ATP2C1: variants seen among roughly 807,000 people sequenced by gnomAD.
The protein encoded by ATP2C1 is ATPase secretory pathway Ca2+ transporting 1.
A neutral mutation model predicts 120.5 loss-of-function variants in ATP2C1; 31 were observed. The ratio of observed to expected loss-of-function variants is 0.26; its 90% confidence interval spans 0.19 to 0.35. The LOEUF is 0.35. Among genes scored for constraint, ATP2C1 ranks in the 10% least tolerant of loss-of-function variants. The pLI, the probability that ATP2C1 is intolerant of heterozygous loss-of-function variation, is 1.00. For missense variants in ATP2C1, 731 were observed against 1,107.5 expected, an observed-to-expected ratio of 0.66 and a Z score of 4.83; for synonymous variants, 351 against 358.7, an observed-to-expected ratio of 0.98 and a Z score of 0.24.
intron 2 of ATP2C1, among the ~76,000 whole-genome samples, chr3:130,921,052 A>T (rs1185175671): frequency 6.6e-6 from 1 of 151,218 alleles, no homozygotes; most frequent in African/African-American, 2.4e-5. Context: ...ACAGTTTTTT[A>T]AAAATGGAAT....
rs143002919 is a variant in ATP2C1, at chr3:130,975,259, C to T, written c.1414-73C>T. The T allele has an allele frequency of 7.5e-6, 11 of 1,458,962 alleles. No individual in the cohort carries two copies. In the East Asian group the frequency reaches 2.5e-4, roughly 33 times the overall value. The allele number at this position is 1,458,962 out of a possible 1,614,324, so 90.4% of individuals were successfully genotyped here. A position where few individuals can be genotyped will look rare whatever the true frequency, so the allele number is the denominator to read the frequency against. On this transcript the variant is annotated intron_variant, in intron 17 of 27. Transcript: ENST00000510168. Reference sequence around the variant, plus strand: ...TGGGAATTATGAGAAATGAATGCCACTTAATTTTGGACTCCAATGGCAGGT... The same window carrying T: ...TGGGAATTATGAGAAATGAATGCCATTTAATTTTGGACTCCAATGGCAGGT...
intron 2 of ATP2C1, among the ~76,000 whole-genome samples, chr3:130,927,294 G>T (rs929887368): frequency 6.7e-6 from 1 of 149,568 alleles, no homozygotes; most frequent in East Asian, 2.0e-4. Context: ...AGGCTGGAGT[G>T]CAGTGGCGTG....
intron 8 of ATP2C1, among the ~76,000 whole-genome samples, chr3:130,944,828 CAG>C (rs2060072658): frequency 6.6e-6 from 1 of 152,122 alleles, no homozygotes; most frequent in Admixed American, 6.6e-5. Flanking sequence ...AGTAGATCCA[CAG>C]AGAGCAAAAT....
In ATP2C1 at chr3:130,945,475, A is replaced by G. The variant is rs575397524; in HGVS notation, c.531+3776A>G. ...GGTGTGCAGCACCCATTAACTTGTC[A>G]TTTACATTAGATAATATCTCCTAAT... On this transcript the variant is annotated intron_variant, in intron 8 of 27. Coordinates refer to ENST00000510168, the MANE Select transcript of ATP2C1 (RefSeq NM_001378687.1). Among the ~76,000 whole-genome samples the G allele has an allele frequency of 7.9e-3, 247 of 31,450 alleles. 2 individuals are homozygous for G. Among genetic ancestry groups the G allele is most frequent in the Non-Finnish European group, 0.019 (190 of 10,238 alleles). The allele number at this position is 31,450 out of a possible 152,430, so 20.6% of individuals were successfully genotyped here.
In ATP2C1 at chr3:130,998,379, C is replaced by G. The variant is rs1404284597; in HGVS notation, c.2477C>G (p.Ser826Cys). Reference sequence around the variant, plus strand: ...TTTGACATGTTCAATGCACTAAGTTCCAGATCCCAGGTATGTTTAGGTGAA... The same window carrying G: ...TTTGACATGTTCAATGCACTAAGTTGCAGATCCCAGGTATGTTTAGGTGAA... ...VFFDMFNALS[S>C]RSQTKSVFEI... The change falls in exon 26 of 28, where the codon TCC becomes TGC. Residue 826 changes from serine (S) to cysteine (C), a missense_variant. Physicochemically the swap from Ser to Cys is moderately radical, Grantham distance 112. This residue lies in a region of ATP2C1 where 141 missense variants were observed against 201.6 expected (regional missense o/e 0.70). Coordinates refer to ENST00000510168, the MANE Select transcript of ATP2C1 (RefSeq NM_001378687.1). 6.2e-7 allele frequency: 1 copy of G among 1,601,556 alleles called. No homozygotes were observed. Among genetic ancestry groups the G allele is most frequent in the African/African-American group, 1.3e-5 (1 of 74,756 alleles).
chr3:130,956,893 G>A (rs970086825), intron 11 of ATP2C1, among the ~76,000 whole-genome samples: 1 of 151,898 alleles, frequency 6.6e-6, no homozygotes. Context: ...CCCTTTTCTT[G>A]TGTCTTGAGT....
rs2067772444 is a variant in ATP2C1 at position 130,854,458 on chromosome 3, A to T, written c.108+3530A>T. On this transcript the variant is annotated intron_variant, in intron 1 of 26. Transcript: ENST00000504381. Reference sequence around the variant, plus strand: ...TTTTGGTCTGAGGGCAACATCCAGCACCTGGCTCAGATGTTGGTGTCTAGT... The same window carrying T: ...TTTTGGTCTGAGGGCAACATCCAGCTCCTGGCTCAGATGTTGGTGTCTAGT... 2.0e-5 allele frequency among the ~76,000 whole-genome samples: 3 copies of T among 152,312 alleles called. No individual in the cohort carries two copies. In the South Asian group the frequency reaches 6.2e-4, roughly 32 times the overall value.
chr3:130,927,055 A>T (rs548900733), intron 2 of ATP2C1, among the ~76,000 whole-genome samples: 4 of 152,188 alleles, frequency 2.6e-5, no homozygotes, highest in Admixed American at 2.6e-4. Flanking sequence ...CTATTCTTGG[A>T]CCCCAAAGCA....
chr3:130,983,190 T>A (rs1463524426), intron 20 of ATP2C1, among the ~76,000 whole-genome samples: 2 of 152,180 alleles, frequency 1.3e-5, no homozygotes, highest in South Asian at 2.1e-4. Flanking sequence ...CCTTTAAGGA[T>A]AATGACAATA....
intron 26 of ATP2C1, among the ~76,000 whole-genome samples, chr3:131,014,750 AT>A (rs1299038312): frequency 1.3e-5 from 2 of 152,230 alleles, no homozygotes; most frequent in Non-Finnish European, 2.9e-5. Context: ...ATATGAGAAA[AT>A]TTATTGGCAT....
chr3:130,937,431 A>G lies in ATP2C1; in HGVS notation c.328A>G (p.Ile110Val), dbSNP rs1056905575. ...FDDAVSITVAILIVVTVAFVQ... is the reference protein window; with the variant it reads ...FDDAVSITVAVLIVVTVAFVQ... ...AAAGCCTGTTTCTTTTGTTTAGGCA[A>G]TACTTATCGTTGTTACAGTTGCCTT... is the stretch of plus-strand genomic sequence containing the variant. Residue 110 changes from isoleucine (I) to valine (V), a missense_variant, in exon 6 of 28, where the codon ATA (isoleucine) becomes GTA (valine). This residue lies in a region of ATP2C1 where 571 missense variants were observed against 845.9 expected (regional missense o/e 0.67). Transcript: ENST00000510168. The G allele has an allele frequency of 6.2e-7, 1 of 1,613,632 alleles. No individual in the cohort carries two copies. The highest frequency in any genetic ancestry group is 1.3e-5 in the African/African-American group (1 of 75,042).
chr3:130,993,748 A>C (rs1431708838), intron 21 of ATP2C1, among the ~76,000 whole-genome samples, 184 bp from the exon 22 acceptor site: 1 of 152,204 alleles, frequency 6.6e-6, no homozygotes, highest in Non-Finnish European at 1.5e-5. Flanking sequence ...ATTAGTAGCA[A>C]CTTTTTCTAA....
intron 26 of ATP2C1, among the ~76,000 whole-genome samples, chr3:131,015,743 G>T (rs539473824): frequency 1.3e-5 from 2 of 152,226 alleles, no homozygotes; most frequent in East Asian, 3.9e-4. Context: ...AGAGTAACAG[G>T]ACTAGAGTGA....
chr3:130,996,900 A>G (rs992328192), intron 24 of ATP2C1, 104 bp downstream of exon 24: 12 of 844,788 alleles, frequency 1.4e-5, no homozygotes, highest in African/African-American at 3.4e-5. Context: ...AAAACTTTGC[A>G]GCAAATGTTT....
At chr3:131,008,861 A>G (rs2063211973) in intron 26 of ATP2C1, among the ~76,000 whole-genome samples, 1 of 152,202 alleles carries the variant, frequency 6.6e-6, no homozygotes, top group Non-Finnish European at 1.5e-5. Context: ...GCCCCCATGT[A>G]GAGAAAGTCA....
chr3:130,889,599 C>A (rs894271076), upstream of ATP2C1, among the ~76,000 whole-genome samples: 2 of 151,306 alleles, frequency 1.3e-5, no homozygotes, highest in East Asian at 3.9e-4. Context: ...CCTAGTTAAC[C>A]CCTTTGTGGT....
intron 14 of ATP2C1, among the ~76,000 whole-genome samples, chr3:130,965,834 T>A (rs2061024328): frequency 6.6e-6 from 1 of 152,106 alleles, no homozygotes; most frequent in African/African-American, 2.4e-5. Context: ...TCTGTCCCTT[T>A]TCCCCATTAT....
rs890052085 is a variant in ATP2C1, at chr3:130,903,687, C to G, written c.6+8912C>G. On this transcript the variant is annotated intron_variant, in intron 2 of 27. Transcript: ENST00000510168. ...TTCCTTTTTCCTCTTTCCCCTTTCC[C>G]ATTTCCCCTTTCCCCTTTCCTTTCC... Among the ~76,000 whole-genome samples the G allele has an allele frequency of 5.1e-5, 7 of 138,172 alleles. No individual in the cohort carries two copies. The Admixed American group carries it at 5.2e-4, about 10-fold the overall frequency. The allele number at this position is 138,172 out of a possible 152,430, so 90.6% of individuals were successfully genotyped here.
chr3:130,991,929 A>G lies in ATP2C1; in HGVS notation c.1840-1022A>G, dbSNP rs185374525. On this transcript the variant is annotated intron_variant, in intron 20 of 27. Transcript: ENST00000510168. ...TAGAGAAAGGGGATAGATTGCAGGTACGAGGAGAGAAAACTAATATGAACT... is the reference window on the plus strand; with the variant it reads ...TAGAGAAAGGGGATAGATTGCAGGTGCGAGGAGAGAAAACTAATATGAACT... 1.4e-4 allele frequency among the ~76,000 whole-genome samples: 21 copies of G among 152,340 alleles called. No individual in the cohort carries two copies. In the East Asian group the frequency reaches 3.7e-3, roughly 27 times the overall value.
Sources: allele counts gnomAD v4.1 joint callset (sites outside exome capture counted in the v4.1 genomes callset), GRCh38; gene constraint gnomAD v4.1.1; regional missense constraint gnomAD v4.1.1; transcripts MANE v1.5; gene names NCBI Gene and HGNC (gene_info 2026-07-23, HGNC 2026-07-21).